Variants in TRPM3 observed in about 807,000 individuals in gnomAD.
The protein encoded by TRPM3 is transient receptor potential cation channel subfamily M member 3.
In TRPM3, 77 loss-of-function variants were observed where a neutral mutation model predicts 181.2. That is an observed-to-expected ratio of 0.42 (90% CI 0.35 to 0.51). The LOEUF is 0.51. Ranked by LOEUF, TRPM3 falls within the 20% of genes least tolerant of loss-of-function variation. The pLI is 0.01. For missense variants in TRPM3, 1,759 were observed against 2,196.7 expected (o/e 0.80, Z 3.98); for synonymous variants, 745 against 796.4 (o/e 0.94, Z 1.09).
chr9:71,291,596 G>C (rs2132269948), intron 1 of TRPM3, among the ~76,000 whole-genome samples: 1 of 151,936 alleles, frequency 6.6e-6, no homozygotes, highest in East Asian at 1.9e-4. Context: ...TATTAGCAGA[G>C]GTAAAAGAAA....
intron 1 of TRPM3, among the ~76,000 whole-genome samples, chr9:70,987,129 G>A (rs556182705): frequency 6.6e-6 from 1 of 152,072 alleles, no homozygotes; most frequent in African/African-American, 2.4e-5. Flanking sequence ...GTTCTACAGT[G>A]GAACTCTATC....
chr9:71,022,816 C>T (rs989620367), intron 1 of TRPM3, among the ~76,000 whole-genome samples: 2 of 151,868 alleles, frequency 1.3e-5, no homozygotes, highest in African/African-American at 2.4e-5. Context: ...GCACATGTAT[C>T]CCAGAACTTA....
intron 1 of TRPM3, among the ~76,000 whole-genome samples, chr9:71,290,749 C>G (rs1423786752): frequency 6.6e-6 from 1 of 152,040 alleles, no homozygotes; most frequent in African/African-American, 2.4e-5. Flanking sequence ...TAATTCACGT[C>G]AAATCATCCT....
At position 70,531,527 on chromosome 9, in the gene TRPM3, A is replaced by G. The variant is rs1261975049; in HGVS notation, c.*4426T>C. ...ACCAGGTTTGGAGAGAGATTACTTC[A>G]TTTCAGTCACATTGTTATTGTTCAA... On this transcript the variant is annotated 3_prime_UTR_variant, in exon 26 of 26. Coordinates refer to ENST00000677713, the MANE Select transcript of TRPM3 (RefSeq NM_001366145.2). 1 of 152,198 alleles carries G rather than the reference A, an allele frequency of 6.6e-6. No individual in the cohort carries two copies. Among genetic ancestry groups the G allele is most frequent in the East Asian group, 1.9e-4 (1 of 5,190 alleles). The allele number at this position is 152,198 out of a possible 1,614,324, so 9.4% of individuals were successfully genotyped here. A position where few individuals can be genotyped will look rare whatever the true frequency, so the allele number is the denominator to read the frequency against.
chr9:70,553,297 C>T lies in TRPM3; in HGVS notation c.3237G>A (p.Gln1079=). The change falls in exon 23 of 26, where the codon CAG becomes CAA. Residue 1079 remains glutamine, a synonymous_variant. Transcript: ENST00000677713. ...FADQIDPPCG[Q]NETREDGKII... ...TTTTACCATCCTCTCGGGTCTCATT[C>T]TGTCCACAGGGAGCTGGAGGGAGCA... The T allele has an allele frequency of 6.2e-7, 1 of 1,614,078 alleles. No individual in the cohort carries two copies. Among genetic ancestry groups the T allele is most frequent in the South Asian group, 1.1e-5 (1 of 91,072 alleles).
chr9:71,003,550 A>G (rs2097639950), intron 1 of TRPM3, among the ~76,000 whole-genome samples: 1 of 152,168 alleles, frequency 6.6e-6, no homozygotes, highest in Non-Finnish European at 1.5e-5. Context: ...GTGCTTTCCC[A>G]TCAGCAATGT....
At chr9:71,360,528 G>C (rs188980810) in intron 1 of TRPM3, among the ~76,000 whole-genome samples, 1 of 152,248 alleles carries the variant, frequency 6.6e-6, no homozygotes, top group African/African-American at 2.4e-5. Context: ...AGATGCATTT[G>C]ATTTCTAATT....
chr9:71,032,064 AT>A (rs1424186019), intron 1 of TRPM3, among the ~76,000 whole-genome samples: 754 of 9,654 alleles, frequency 0.078, 34 homozygotes, highest in East Asian at 0.54. Context: ...TATATTATAT[AT>A]ATTATATTAT....
intron 1 of TRPM3, among the ~76,000 whole-genome samples, chr9:71,294,576 G>C (rs2086099070): frequency 6.7e-6 from 1 of 148,502 alleles, no homozygotes; most frequent in African/African-American, 2.6e-5. Context: ...GTATTGTATA[G>C]TAGAGTTGAA....
chr9:70,813,631 G>A (rs1291515892), intron 6 of TRPM3, among the ~76,000 whole-genome samples: 1 of 152,030 alleles, frequency 6.6e-6, no homozygotes, highest in East Asian at 1.9e-4. Context: ...TAACAAAACT[G>A]TACCTGCACC....
At chr9:70,841,351 T>C (rs1480378455) in intron 5 of TRPM3, among the ~76,000 whole-genome samples, 2 of 151,936 alleles carry the variant, frequency 1.3e-5, no homozygotes, top group African/African-American at 2.4e-5. Flanking sequence ...ATATTAACAG[T>C]AACAAAACTG....
intron 1 of TRPM3, among the ~76,000 whole-genome samples, chr9:71,014,284 C>T (rs1049358547): frequency 6.6e-6 from 1 of 151,540 alleles, no homozygotes; most frequent in Non-Finnish European, 1.5e-5. Context: ...TGCATTTTTC[C>T]ACTTTATTTC....
chr9:70,557,171 G>T (rs1408385415), intron 22 of TRPM3, among the ~76,000 whole-genome samples: 6 of 152,308 alleles, frequency 3.9e-5, no homozygotes, highest in African/African-American at 1.2e-4. Flanking sequence ...TTGCATTATT[G>T]TGTGATATGA....
chr9:70,891,900 G>C (rs1439937581), intron 1 of TRPM3, among the ~76,000 whole-genome samples: 1 of 152,122 alleles, frequency 6.6e-6, no homozygotes, highest in Non-Finnish European at 1.5e-5. Flanking sequence ...CCAAACTTAA[G>C]CCTTTCTCAC....
intron 19 of TRPM3, among the ~76,000 whole-genome samples, chr9:70,604,979 C>CTGAG (rs1266534527): frequency 5.0e-4 from 2 of 3,982 alleles, no homozygotes; most frequent in South Asian, 5.2e-3. Flanking sequence ...TTTTTGGAGA[C>CTGAG]TGAGTCTCAC....
At chr9:71,411,807 A>G (rs1465177674) in intron 1 of TRPM3, among the ~76,000 whole-genome samples, 1 of 152,228 alleles carries the variant, frequency 6.6e-6, no homozygotes, top group Non-Finnish European at 1.5e-5. Context: ...CTAAGCAAAA[A>G]GAACAAAGCC....
intron 22 of TRPM3, among the ~76,000 whole-genome samples, chr9:70,574,124 C>T (rs1481017087): frequency 6.6e-6 from 1 of 151,910 alleles, no homozygotes; most frequent in Non-Finnish European, 1.5e-5. Context: ...CTAACACCAC[C>T]ACCACCATCA....
Position 70,535,032 on chromosome 9 carries a change from G to GT in TRPM3, c.*920dup, listed in dbSNP as rs5898149. The GT allele has an allele frequency of 2.6e-3, 369 of 139,770 alleles. 2 individuals are homozygous for GT. Among genetic ancestry groups the GT allele is most frequent in the South Asian group, 9.5e-3 (42 of 4,440 alleles). 8.7% of individuals were successfully genotyped at this position (139,770 alleles called of 1,614,324 possible). ...CAATTTCAGGCTAGTTCTGTCCACT[G>GT]TTTTTTTTTTTTTTTTTTTAAGTTC... On this transcript the variant is annotated 3_prime_UTR_variant, in exon 26 of 26. Coordinates refer to ENST00000677713, the MANE Select transcript of TRPM3 (RefSeq NM_001366145.2).
intron 9 of TRPM3, among the ~76,000 whole-genome samples, chr9:70,641,368 A>G (rs1038208680): frequency 2.0e-5 from 3 of 152,218 alleles, no homozygotes; most frequent in Non-Finnish European, 4.4e-5. Context: ...ACTGGTTTCA[A>G]GGCATCACTT....
Sources: allele counts gnomAD v4.1 joint callset (sites outside exome capture counted in the v4.1 genomes callset), GRCh38; gene constraint gnomAD v4.1.1; transcripts MANE v1.5; gene names NCBI Gene and HGNC (gene_info 2026-07-23, HGNC 2026-07-21).